The following MAP2 variants were observed in gnomAD, a reference collection of about 807,000 sequenced individuals.
MAP2 encodes the protein microtubule associated protein 2, also known as microtubule-associated protein 2.
A neutral mutation model predicts 137.6 loss-of-function variants in MAP2; 14 were observed. The ratio of observed to expected loss-of-function variants is 0.10; its 90% confidence interval spans 0.07 to 0.16. The LOEUF (loss-of-function observed/expected upper bound fraction) is 0.16, where lower values mean the gene tolerates loss of function less well. Among genes scored for constraint, MAP2 ranks in the 10% least tolerant of loss-of-function variants. The probability of loss-of-function intolerance (pLI) is 1.00; values close to 1 mark genes in which losing one functional copy is unlikely to be tolerated. For synonymous variants in MAP2, 786 were observed against 782.3 expected (o/e 1.00, Z -0.08); for missense variants, 2,088 against 2,191.5 (o/e 0.95, Z 0.94).
chr2:209,663,532 T>A (rs1316956584), intron 5 of MAP2, among the ~76,000 whole-genome samples: 2 of 152,214 alleles, frequency 1.3e-5, no homozygotes, highest in Admixed American at 1.3e-4. Context: ...ATGCAACTTT[T>A]AACAATGCTT....
At chr2:209,690,004 TA>T (rs2058370922) in intron 7 of MAP2, among the ~76,000 whole-genome samples, 1 of 152,222 alleles carries the variant, frequency 6.6e-6, no homozygotes, top group Non-Finnish European at 1.5e-5. Context: ...ATATTTTAAG[TA>T]AATTTGGTGG....
intron 2 of MAP2, among the ~76,000 whole-genome samples, chr2:209,514,193 G>A (rs1051759519): frequency 4.6e-5 from 7 of 151,910 alleles, no homozygotes; most frequent in African/African-American, 1.7e-4. Flanking sequence ...TTAATACAAA[G>A]ATATTAATAT....
rs1213774578 is a variant in MAP2, at chr2:209,435,683, GA to G, written c.-222+11409del. On this transcript the variant is annotated intron_variant, in intron 1 of 15. Transcript: ENST00000682079. Reference sequence around the variant, plus strand: ...TTGGGGAAAGATAGTGGCCTGCCTAGAATTTCTACATATGGTGTAGCATAGA... The same window carrying G: ...TTGGGGAAAGATAGTGGCCTGCCTAGATTTCTACATATGGTGTAGCATAGA... Among the ~76,000 whole-genome samples the G allele has an allele frequency of 3.9e-4, 59 of 151,416 alleles. 1 individual carries two copies. Among genetic ancestry groups the G allele is most frequent in the Non-Finnish European group, 1.0e-4 (7 of 67,736 alleles).
intron 5 of MAP2, among the ~76,000 whole-genome samples, chr2:209,674,028 T>C (rs568160546): frequency 1.3e-5 from 2 of 151,782 alleles, no homozygotes; most frequent in South Asian, 4.1e-4. Context: ...GCCCAGGACC[T>C]ATGCATCCAG....
At chr2:209,612,575 T>C (rs2153491554) in intron 3 of MAP2, among the ~76,000 whole-genome samples, 1 of 152,312 alleles carries the variant, frequency 6.6e-6, no homozygotes, top group South Asian at 2.1e-4. Context: ...TCAGCTGCCA[T>C]ATAACAGCAG....
At chr2:209,434,862 G>T (rs1169594904) in intron 1 of MAP2, among the ~76,000 whole-genome samples, 2 of 100,974 alleles carry the variant, frequency 2.0e-5, no homozygotes, top group South Asian at 3.3e-4. Flanking sequence ...ATATATATAT[G>T]TTATATATAT....
intron 2 of MAP2, among the ~76,000 whole-genome samples, chr2:209,573,688 A>C (rs1013206633): frequency 6.6e-6 from 1 of 152,144 alleles, no homozygotes; most frequent in Non-Finnish European, 1.5e-5. Context: ...GGTTTTTAAT[A>C]TATTCATAGA....
intron 2 of MAP2, among the ~76,000 whole-genome samples, chr2:209,517,914 A>G (rs1576903424): frequency 6.6e-6 from 1 of 152,058 alleles, no homozygotes; most frequent in East Asian, 1.9e-4. Context: ...CTAGATGATA[A>G]CACATTTTTG....
chr2:209,520,480 C>T (rs1356039099), intron 2 of MAP2, among the ~76,000 whole-genome samples: 1 of 152,038 alleles, frequency 6.6e-6, no homozygotes, highest in Non-Finnish European at 1.5e-5. Flanking sequence ...AATGAAGCAG[C>T]AGCCTTTACC....
At chr2:209,463,196 A>G (rs1559193808) in intron 1 of MAP2, among the ~76,000 whole-genome samples, 1 of 152,210 alleles carries the variant, frequency 6.6e-6, no homozygotes, top group Non-Finnish European at 1.5e-5. Flanking sequence ...TGAGTCTTAT[A>G]GTGTCATTCT....
intron 1 of MAP2, among the ~76,000 whole-genome samples, chr2:209,429,195 C>A (rs1028799021): frequency 6.6e-6 from 1 of 151,948 alleles, no homozygotes; most frequent in Non-Finnish European, 1.5e-5. Flanking sequence ...CCTCGTGATC[C>A]GCCCGCCTCA....
chr2:209,461,966 G>C (rs1300771398), intron 1 of MAP2, among the ~76,000 whole-genome samples: 1 of 151,804 alleles, frequency 6.6e-6, no homozygotes, highest in Non-Finnish European at 1.5e-5. Flanking sequence ...AACCTTCCCT[G>C]GCCTTTACTC....
intron 6 of MAP2, among the ~76,000 whole-genome samples, 165 bp from the exon 7 acceptor site, chr2:209,680,585 A>G (rs75800271): frequency 0.019 from 2,942 of 152,320 alleles, 42 homozygotes; most frequent in Middle Eastern, 0.034. Context: ...TCAAAAATGC[A>G]TGAATCAGGT....
In MAP2 at chr2:209,492,420, G is replaced by A. The variant is rs1257428136; in HGVS notation, c.-221-15172G>A. On this transcript the variant is annotated intron_variant, in intron 1 of 15. Transcript: ENST00000682079. The stretch of plus-strand genomic sequence containing the variant: ...TCTCTCACCACTCCTATTTAACATA[G>A]TATTAGAAGTTCTGGCCAGAGCAGT... Among the ~76,000 whole-genome samples the A allele has an allele frequency of 2.0e-5, 3 of 152,256 alleles. No individual in the cohort carries two copies. In the East Asian group the frequency reaches 5.8e-4, roughly 29 times the overall value.
At chr2:209,658,820 T>C (rs2042099228) in intron 5 of MAP2, among the ~76,000 whole-genome samples, 1 of 152,110 alleles carries the variant, frequency 6.6e-6, no homozygotes, top group Admixed American at 6.5e-5. Context: ...AGGAAAAAAT[T>C]TTCTAATTTC....
chr2:209,626,756 G>A (rs2092385495), intron 4 of MAP2, among the ~76,000 whole-genome samples: 1 of 152,086 alleles, frequency 6.6e-6, no homozygotes, highest in African/African-American at 2.4e-5. Flanking sequence ...CTTTCATATC[G>A]AGGCATGAAG....
intron 6 of MAP2, 55 bp from the exon 7 acceptor site, chr2:209,680,695 A>G: frequency 6.9e-7 from 1 of 1,448,514 alleles, no homozygotes; most frequent in Non-Finnish European, 9.7e-7. Flanking sequence ...CTACACATCT[A>G]CCAGCCTAAA....
At chr2:209,676,527 CT>C (rs1052551483) in intron 5 of MAP2, among the ~76,000 whole-genome samples, 20 of 151,504 alleles carry the variant, frequency 1.3e-4, no homozygotes, top group Admixed American at 1.1e-3. Flanking sequence ...ACATGTACCC[CT>C]GAACTTAAAA....
chr2:209,521,776 A>G (rs546068212), intron 2 of MAP2, among the ~76,000 whole-genome samples: 5 of 152,232 alleles, frequency 3.3e-5, no homozygotes, highest in Middle Eastern at 3.4e-3. Flanking sequence ...GGTCCATTCT[A>G]TAGCATGTTT....
Sources: gnomAD v4.1 joint callset for allele counts (sites outside exome capture counted in the v4.1 genomes callset) on GRCh38, gnomAD v4.1.1 for gene constraint, MANE v1.5 for transcripts, NCBI Gene and HGNC (gene_info 2026-07-23, HGNC 2026-07-21) for gene names.